The following SPIDR variants were observed in gnomAD, a reference collection of about 807,000 sequenced individuals.
The protein encoded by SPIDR is scaffold protein involved in DNA repair, also known as DNA repair-scaffolding protein.
A neutral mutation model predicts 104.6 loss-of-function variants in SPIDR; 93 were observed. The ratio of observed to expected loss-of-function variants is 0.89; its 90% CI spans 0.75 to 1.06. The LOEUF is 1.06. SPIDR is among the 50% of genes least tolerant of loss of function. The pLI is 0.00. For synonymous variants in SPIDR, 431 were observed against 416.9 expected, an observed-to-expected ratio of 1.03 and a Z score of -0.41; for missense variants, 1,154 against 1,111.2, an observed-to-expected ratio of 1.04 and a Z score of -0.55.
rs1223581096 is a variant in SPIDR at position 47,498,398 on chromosome 8, ATC to A, written c.1097+57857_1097+57858del. 1.9e-4 allele frequency among the ~76,000 whole-genome samples: 29 copies of A among 152,320 alleles called. 1 individual carries two copies. The highest frequency in any genetic ancestry group is 6.5e-4 in the African/African-American group (27 of 41,574). ...TTTTATGATCTAACACACTGTAATA[ATC>A]AAATCACCATTTTTAAAAGCAACCC... On this transcript the variant is annotated intron_variant, in intron 8 of 19. Coordinates refer to ENST00000297423, the MANE Select transcript of SPIDR (RefSeq NM_001080394.4).
chr8:47,500,107 A>G (rs540826067), intron 8 of SPIDR, among the ~76,000 whole-genome samples: 12 of 152,244 alleles, frequency 7.9e-5, no homozygotes, highest in Admixed American at 5.2e-4. Flanking sequence ...AAACATACAT[A>G]TGCATGTGTC....
At chr8:47,586,861 T>G (rs900911060) in intron 8 of SPIDR, among the ~76,000 whole-genome samples, 1 of 152,188 alleles carries the variant, frequency 6.6e-6, no homozygotes, top group Non-Finnish European at 1.5e-5. Flanking sequence ...CTCCGCCTCC[T>G]GGGTTCAAAC....
chr8:47,419,021 A>C (rs2064912662), intron 7 of SPIDR: 1 of 152,160 alleles, frequency 6.6e-6, no homozygotes. Flanking sequence ...TCGGTGTGCC[A>C]GTGTTTTATT....
At chr8:47,657,822 G>C (rs2073134339) in intron 10 of SPIDR, among the ~76,000 whole-genome samples, 1 of 151,788 alleles carries the variant, frequency 6.6e-6, no homozygotes, top group African/African-American at 2.4e-5. Flanking sequence ...TTGAGCCCAT[G>C]AGTTCCAGAC....
chr8:47,296,134 C>T (rs1261170258), intron 5 of SPIDR, among the ~76,000 whole-genome samples: 11 of 152,064 alleles, frequency 7.2e-5, no homozygotes, highest in Admixed American at 3.3e-4. Flanking sequence ...TCTTTGTTTT[C>T]TTGCTATTGA....
intron 10 of SPIDR, among the ~76,000 whole-genome samples, chr8:47,645,044 C>G (rs2070041754): frequency 6.6e-6 from 1 of 152,148 alleles, no homozygotes; most frequent in South Asian, 2.1e-4. Context: ...AGCCAGGTGC[C>G]AGAAGTTTAG....
At chr8:47,647,613 C>CAAAA (rs1554540025) in intron 10 of SPIDR, among the ~76,000 whole-genome samples, 9 of 20,496 alleles carry the variant, frequency 4.4e-4, no homozygotes, top group African/African-American at 9.7e-4. Context: ...GACTCCATCT[C>CAAAA]GAAAGAGAGA....
At chr8:47,611,309 T>A (rs2063570847) in intron 10 of SPIDR, among the ~76,000 whole-genome samples, 1 of 152,118 alleles carries the variant, frequency 6.6e-6, no homozygotes, top group South Asian at 2.1e-4. Flanking sequence ...TGAAGAATAT[T>A]CAGTCAGTGT....
At chr8:47,692,904 G>T (rs1246857164) in intron 11 of SPIDR, among the ~76,000 whole-genome samples, 1 of 152,196 alleles carries the variant, frequency 6.6e-6, no homozygotes, top group Non-Finnish European at 1.5e-5. Flanking sequence ...TTTCTGTGTG[G>T]ATGTCAGTTC....
intron 8 of SPIDR, among the ~76,000 whole-genome samples, chr8:47,485,150 AAC>A (rs782567626): frequency 2.0e-5 from 3 of 152,234 alleles, no homozygotes; most frequent in Non-Finnish European, 4.4e-5. Context: ...CTCCCACCCT[AAC>A]ACAGTGGTTT....
intron 8 of SPIDR, among the ~76,000 whole-genome samples, chr8:47,562,079 C>T (rs1189921783): frequency 6.6e-6 from 1 of 152,074 alleles, no homozygotes; most frequent in Admixed American, 6.6e-5. Flanking sequence ...TTTTATGCTT[C>T]CTTTATATGT....
At chr8:47,278,159 T>G (rs2036962904) in intron 1 of SPIDR, among the ~76,000 whole-genome samples, 1 of 151,580 alleles carries the variant, frequency 6.6e-6, no homozygotes, top group South Asian at 2.1e-4. Flanking sequence ...TCATTGTAGT[T>G]TCTTGCTTTT....
intron 19 of SPIDR, among the ~76,000 whole-genome samples, chr8:47,731,525 C>T (rs909119241): frequency 1.3e-5 from 2 of 152,244 alleles, no homozygotes; most frequent in African/African-American, 2.4e-5. Flanking sequence ...GCCCATATTT[C>T]CCTGCTAGGG....
At chr8:47,308,452 T>C (rs2043510035) in intron 5 of SPIDR, among the ~76,000 whole-genome samples, 1 of 151,150 alleles carries the variant, frequency 6.6e-6, no homozygotes, top group Non-Finnish European at 1.5e-5. Context: ...CAGCCTGAGG[T>C]GTAAGCTTAA....
chr8:47,378,276 G>A (rs1214801893), intron 5 of SPIDR, among the ~76,000 whole-genome samples: 3 of 152,080 alleles, frequency 2.0e-5, no homozygotes, highest in South Asian at 2.1e-4. Flanking sequence ...ATTCCCAACA[G>A]TATATTAAAG....
In SPIDR at chr8:47,489,931, C is replaced by G. The variant is rs180737874; in HGVS notation, c.1097+49389C>G. 5.1e-4 allele frequency among the ~76,000 whole-genome samples: 78 copies of G among 152,238 alleles called. 1 individual carries two copies. The highest frequency in any genetic ancestry group is 1.4e-3 in the Admixed American group (21 of 15,294). ...AAAACCTAGGCAATACCATTCAGGA[C>G]ATAGGCATGGGCAAGGACTCCATGA... On this transcript the variant is annotated intron_variant, in intron 8 of 19. Coordinates refer to ENST00000297423, the MANE Select transcript of SPIDR (RefSeq NM_001080394.4).
chr8:47,308,626 CT>C (rs2043549610), intron 5 of SPIDR, among the ~76,000 whole-genome samples: 1 of 95,806 alleles, frequency 1.0e-5, no homozygotes, highest in Non-Finnish European at 2.0e-5. Flanking sequence ...CCAGCAGTTA[CT>C]TTGTGGGTGG....
intron 10 of SPIDR, among the ~76,000 whole-genome samples, chr8:47,620,610 G>T (rs78402243): frequency 0.031 from 4,633 of 148,318 alleles, 182 homozygotes; most frequent in African/African-American, 0.1. Context: ...CATCGGTTTT[G>T]TTTTTTTGTT....
chr8:47,337,540 T>C (rs1326039895), intron 5 of SPIDR, among the ~76,000 whole-genome samples: 1 of 152,072 alleles, frequency 6.6e-6, no homozygotes, highest in African/African-American at 2.4e-5. Flanking sequence ...CATCATTGGG[T>C]TTTATTTTCA....
Sources: allele counts gnomAD v4.1 joint callset (sites outside exome capture counted in the v4.1 genomes callset), GRCh38; gene constraint gnomAD v4.1.1; transcripts MANE v1.5; gene names NCBI Gene and HGNC (gene_info 2026-07-23, HGNC 2026-07-21).